The following ARHGEF6 variants were observed in gnomAD, a reference collection of about 807,000 sequenced individuals.
The protein encoded by ARHGEF6 is Rac/Cdc42 guanine nucleotide exchange factor 6.
In ARHGEF6, 9 loss-of-function variants were observed where a neutral mutation model predicts 70.3. The ratio of observed to expected loss-of-function variants is 0.13; its 90% CI spans 0.08 to 0.22. The LOEUF is 0.22. Ranked by LOEUF, ARHGEF6 falls within the 10% of genes least tolerant of loss-of-function variation. The probability of loss-of-function intolerance (pLI) is 1.00; values close to 1 mark genes in which losing one functional copy is unlikely to be tolerated. For missense variants in ARHGEF6, 470 were observed against 563.0 expected (o/e 0.83, Z 1.67); for synonymous variants, 201 against 207.8 (o/e 0.97, Z 0.28).
chrX:136,741,888 C>T (rs753877209), intron 5 of ARHGEF6, among the ~76,000 whole-genome samples: 16 of 111,307 alleles, frequency 1.4e-4, no homozygotes, highest in African/African-American at 5.2e-4. Context: ...TGAATTGAGC[C>T]CTTAATGAGA....
chrX:136,756,250 C>CT, intron 2 of ARHGEF6, among the ~76,000 whole-genome samples: 1 of 111,690 alleles, frequency 9.0e-6, no homozygotes, highest in East Asian at 2.8e-4. Flanking sequence ...CAAAATTAAG[C>CT]TCTGTGACCA....
intron 6 of ARHGEF6, among the ~76,000 whole-genome samples, chrX:136,728,466 C>T (rs1277392437): frequency 1.8e-5 from 2 of 109,139 alleles, no homozygotes; most frequent in Non-Finnish European, 3.8e-5. Flanking sequence ...CCCTTAGAAA[C>T]TTGAAAAAGG....
chrX:136,733,377 C>T (rs2076955043), intron 5 of ARHGEF6, among the ~76,000 whole-genome samples: 1 of 110,039 alleles, frequency 9.1e-6, no homozygotes, highest in Non-Finnish European at 1.9e-5. Flanking sequence ...TATTGCAGTC[C>T]CACCCCCAAA....
At chrX:136,776,707 A>G (rs2148690064) in intron 2 of ARHGEF6, among the ~76,000 whole-genome samples, 1 of 111,365 alleles carries the variant, frequency 9.0e-6, no homozygotes, top group East Asian at 2.8e-4. Flanking sequence ...AAAGATAAAT[A>G]GATGGGACCT....
At chrX:136,727,205 G>A (rs1194903481) in intron 6 of ARHGEF6, among the ~76,000 whole-genome samples, 2 of 111,758 alleles carry the variant, frequency 1.8e-5, no homozygotes, top group African/African-American at 6.5e-5. Context: ...AAGGGGAAGT[G>A]GTTAAGGAAG....
rs769082594 is a variant in ARHGEF6, at chrX:136,763,397, A to G, written c.250-15805T>C. Reference sequence around the variant, plus strand: ...CCTATGAATAAAGTACATAATTCTTAGTGCAAAGATGGGATGTCTCCTTTG... The same window carrying G: ...CCTATGAATAAAGTACATAATTCTTGGTGCAAAGATGGGATGTCTCCTTTG... On this transcript the variant is annotated intron_variant, in intron 2 of 21. Transcript: ENST00000250617. Among the ~76,000 whole-genome samples the G allele has an allele frequency of 5.3e-5, 6 of 112,486 alleles. No homozygotes were observed. The South Asian group carries it at 2.2e-3, about 41-fold the overall frequency.
At chrX:136,765,799 T>C (rs890771912) in intron 2 of ARHGEF6, among the ~76,000 whole-genome samples, 1 of 112,950 alleles carries the variant, frequency 8.9e-6, no homozygotes. Flanking sequence ...TCTGTTTCTT[T>C]GTCAAGTGAA....
intron 9 of ARHGEF6, among the ~76,000 whole-genome samples, chrX:136,704,604 C>T (rs2076607975): frequency 9.0e-6 from 1 of 111,565 alleles, no homozygotes; most frequent in Non-Finnish European, 1.9e-5. Flanking sequence ...GAAGGAAAGG[C>T]AAGTACTTCC....
At chrX:136,671,666 G>A (rs949081096) in intron 20 of ARHGEF6, among the ~76,000 whole-genome samples, 6 of 112,141 alleles carry the variant, frequency 5.4e-5, no homozygotes, top group African/African-American at 1.3e-4. Context: ...GCATCTCTCC[G>A]GGCAAGGAAA....
intron 2 of ARHGEF6, chrX:136,767,892 C>T (rs1178228974): frequency 3.2e-6 from 2 of 628,225 alleles, no homozygotes; most frequent in Non-Finnish European, 3.8e-6. Flanking sequence ...GTGGCAGCAG[C>T]AAAAGCCGCG....
intron 6 of ARHGEF6, among the ~76,000 whole-genome samples, chrX:136,718,966 A>C (rs2076766949): frequency 9.7e-6 from 1 of 103,432 alleles, no homozygotes; most frequent in Admixed American, 1.1e-4. Context: ...GTTGACTGGC[A>C]TTCTTGGAGT....
chrX:136,694,585 G>A (rs956668484), intron 9 of ARHGEF6, among the ~76,000 whole-genome samples: 1 of 111,830 alleles, frequency 8.9e-6, no homozygotes, highest in Admixed American at 9.4e-5. Flanking sequence ...AGACGGAAGT[G>A]AGGTCCGGAT....
At chrX:136,775,929 C>A (rs774532394) in intron 2 of ARHGEF6, among the ~76,000 whole-genome samples, 8 of 111,433 alleles carry the variant, frequency 7.2e-5, no homozygotes, top group African/African-American at 2.6e-4. Flanking sequence ...AAGAACTCAA[C>A]CCCTTTTACA....
intron 2 of ARHGEF6, among the ~76,000 whole-genome samples, chrX:136,778,654 T>A (rs1205266011): frequency 9.0e-6 from 1 of 110,579 alleles, no homozygotes; most frequent in African/African-American, 3.3e-5. Context: ...CACGCCTGCC[T>A]AATTTTTGTA....
intron 11 of ARHGEF6, among the ~76,000 whole-genome samples, chrX:136,686,866 G>A (rs2076409130): frequency 9.5e-6 from 1 of 104,720 alleles, no homozygotes; most frequent in Non-Finnish European, 2.0e-5. Flanking sequence ...AATATTTTGG[G>A]GTTATATTTT....
intron 9 of ARHGEF6, among the ~76,000 whole-genome samples, chrX:136,703,407 GAAGTTTTGTGGC>G (rs1358163521): frequency 1.8e-5 from 2 of 112,449 alleles, no homozygotes; most frequent in African/African-American, 6.5e-5. Flanking sequence ...TTTACAAATT[GAAGTTTTGTGGC>G]AACCGTGTGT....
intron 9 of ARHGEF6, among the ~76,000 whole-genome samples, chrX:136,701,987 G>A (rs1205983503): frequency 9.0e-6 from 1 of 111,262 alleles, no homozygotes; most frequent in African/African-American, 3.3e-5. Context: ...GATTACAGGC[G>A]CGAGCCACCG....
At chrX:136,717,561 A>G (rs1478150417) in intron 6 of ARHGEF6, among the ~76,000 whole-genome samples, 2 of 112,215 alleles carry the variant, frequency 1.8e-5, no homozygotes, top group Non-Finnish European at 3.8e-5. Context: ...AAGTAAAGAT[A>G]AAATAAAAAC....
At chrX:136,706,852 A>G in intron 9 of ARHGEF6, 56 bp downstream of exon 9, 1 of 1,200,168 alleles carries the variant, frequency 8.3e-7, no homozygotes, top group African/African-American at 1.7e-5. Flanking sequence ...TTTCCAAATG[A>G]CGTGGTCCTA....
Sources: allele counts gnomAD v4.1 joint callset (sites outside exome capture counted in the v4.1 genomes callset), GRCh38; gene constraint gnomAD v4.1.1; transcripts MANE v1.5; gene names NCBI Gene and HGNC (gene_info 2026-07-23, HGNC 2026-07-21).